Variants in ARHGAP24 observed in about 807,000 individuals in gnomAD.
ARHGAP24 encodes rho GTPase-activating protein 24.
ARHGAP24 carries 50 observed loss-of-function variants against 76.4 expected under a neutral mutation model. The observed-to-expected ratio is 0.65, with a 90% confidence interval of 0.52 to 0.83. The LOEUF (loss-of-function observed/expected upper bound fraction) is 0.83. ARHGAP24 is among the 40% of genes least tolerant of loss of function. The pLI is 0.00. For missense variants in ARHGAP24, 930 were observed against 914.2 expected (o/e 1.02, Z -0.22); for synonymous variants, 345 against 323.3 (o/e 1.07, Z -0.72).
At position 85,995,101 on chromosome 4, in the gene ARHGAP24, C is replaced by T. The variant is rs777874622; in HGVS notation, c.1447C>T (p.Arg483Cys). Residue 483 changes from arginine to cysteine, a missense_variant, in exon 9 of 10, where the codon CGC (arginine) becomes TGC (cysteine). By Grantham distance (180) the Arg-to-Cys change is radical (BLOSUM62 -3). Transcript: ENST00000395184. ...GTHSVQNGTVRMGILNSDTLG... is the reference protein window; with the variant it reads ...GTHSVQNGTVCMGILNSDTLG... ...GCACAGTGTACAGAATGGAACGGTGCGCATGGGCATTTTGAACAGCGACAC... is the reference window on the plus strand; with the variant it reads ...GCACAGTGTACAGAATGGAACGGTGTGCATGGGCATTTTGAACAGCGACAC... 6.1e-5 allele frequency: 99 copies of T among 1,613,900 alleles called. No individual in the cohort carries two copies. The highest frequency in any genetic ancestry group is 8.0e-5 in the African/African-American group (6 of 74,958).
At chr4:85,577,924 G>A (rs1727445420) in intron 2 of ARHGAP24, among the ~76,000 whole-genome samples, 1 of 152,144 alleles carries the variant, frequency 6.6e-6, no homozygotes, top group East Asian at 1.9e-4. Context: ...CTAAGAAAGA[G>A]GACAAGAAGA....
chr4:85,517,704 G>A (rs6843198), intron 1 of ARHGAP24, among the ~76,000 whole-genome samples: 6,951 of 151,868 alleles, frequency 0.046, 528 homozygotes, highest in African/African-American at 0.16. Context: ...ATGCTTACCC[G>A]GTTTAATAAA....
chr4:85,737,074 A>G (rs1725632999), intron 3 of ARHGAP24, among the ~76,000 whole-genome samples: 1 of 152,158 alleles, frequency 6.6e-6, no homozygotes, highest in African/African-American at 2.4e-5. Flanking sequence ...AAAGAATGAG[A>G]TGATCATTCT....
At chr4:85,740,403 G>C (rs1311646363) in intron 3 of ARHGAP24, among the ~76,000 whole-genome samples, 1 of 151,410 alleles carries the variant, frequency 6.6e-6, no homozygotes, top group Non-Finnish European at 1.5e-5. Flanking sequence ...TTGTATTTTT[G>C]GTAGGGACAG....
intron 1 of ARHGAP24, among the ~76,000 whole-genome samples, chr4:85,543,010 C>G (rs1037002617): frequency 6.6e-6 from 1 of 152,182 alleles, no homozygotes; most frequent in Admixed American, 6.5e-5. Context: ...GCTCTTGAAG[C>G]TGCTGCTAAC....
chr4:85,696,839 C>A (rs1440478939), intron 2 of ARHGAP24, among the ~76,000 whole-genome samples: 1 of 152,078 alleles, frequency 6.6e-6, no homozygotes, highest in Non-Finnish European at 1.5e-5. Context: ...GAAAGGACAC[C>A]ATGCAGAAAT....
chr4:85,969,812 AT>A (rs1175895862), intron 5 of ARHGAP24, among the ~76,000 whole-genome samples: 2 of 152,102 alleles, frequency 1.3e-5, no homozygotes, highest in African/African-American at 2.4e-5. Flanking sequence ...TTTTCAAACA[AT>A]TTTTTGGAAT....
intron 2 of ARHGAP24, among the ~76,000 whole-genome samples, chr4:85,612,905 T>G (rs1377234957): frequency 1.4e-5 from 2 of 146,332 alleles, no homozygotes; most frequent in East Asian, 4.6e-4. Flanking sequence ...CTCAAGCAAT[T>G]CACCCACCTC....
At chr4:85,679,145 C>T (rs1723107169) in intron 2 of ARHGAP24, among the ~76,000 whole-genome samples, 1 of 152,236 alleles carries the variant, frequency 6.6e-6, no homozygotes, top group Non-Finnish European at 1.5e-5. Context: ...GAGGAGAAAC[C>T]TGGCTAGCAA....
At chr4:85,984,395 T>C (rs1739861989) in intron 8 of ARHGAP24, among the ~76,000 whole-genome samples, 1 of 152,194 alleles carries the variant, frequency 6.6e-6, no homozygotes, top group South Asian at 2.1e-4. Flanking sequence ...ACCCATTTCC[T>C]GGTTCACATA....
intron 2 of ARHGAP24, among the ~76,000 whole-genome samples, chr4:85,578,578 A>G (rs988982967): frequency 1.3e-5 from 2 of 152,220 alleles, no homozygotes; most frequent in Admixed American, 1.3e-4. Context: ...ACTACCAGCT[A>G]TAGGGCTTGG....
At chr4:85,612,378 A>G (rs1720419857) in intron 2 of ARHGAP24, among the ~76,000 whole-genome samples, 1 of 151,392 alleles carries the variant, frequency 6.6e-6, no homozygotes, top group Non-Finnish European at 1.5e-5. Flanking sequence ...AGCCGAGTGC[A>G]CTCCACTCGG....
intron 3 of ARHGAP24, among the ~76,000 whole-genome samples, chr4:85,735,841 G>A (rs1378174424): frequency 6.6e-6 from 1 of 152,006 alleles, no homozygotes; most frequent in Non-Finnish European, 1.5e-5. Context: ...AAAGTACATA[G>A]AGCTCCCATA....
intron 3 of ARHGAP24, among the ~76,000 whole-genome samples, chr4:85,744,880 T>C (rs1038490499): frequency 1.3e-5 from 2 of 152,182 alleles, no homozygotes; most frequent in African/African-American, 4.8e-5. Flanking sequence ...TTCTTAAAGG[T>C]AGTCCAATCA....
chr4:85,610,914 T>C (rs1308327520), intron 2 of ARHGAP24, among the ~76,000 whole-genome samples: 1 of 152,070 alleles, frequency 6.6e-6, no homozygotes, highest in African/African-American at 2.4e-5. Flanking sequence ...TCTACAGATA[T>C]GAAAGAAATA....
intron 2 of ARHGAP24, among the ~76,000 whole-genome samples, chr4:85,640,784 G>A (rs1275165841): frequency 6.6e-6 from 1 of 151,984 alleles, no homozygotes; most frequent in East Asian, 1.9e-4. Flanking sequence ...TTATGGCTTT[G>A]CATTTGCATA....
intron 1 of ARHGAP24, among the ~76,000 whole-genome samples, chr4:85,548,855 T>C (rs962434353): frequency 1.3e-5 from 2 of 152,212 alleles, no homozygotes; most frequent in Non-Finnish European, 2.9e-5. Flanking sequence ...GCTAGTTTCC[T>C]GATTTCTATC....
chr4:85,528,045 C>T (rs971669734), intron 1 of ARHGAP24, among the ~76,000 whole-genome samples: 18 of 151,994 alleles, frequency 1.2e-4, no homozygotes, highest in African/African-American at 4.3e-4. Flanking sequence ...AGGGTGAGTG[C>T]TACAATAGCA....
intron 2 of ARHGAP24, among the ~76,000 whole-genome samples, chr4:85,573,077 G>A (rs1440564447): frequency 3.3e-5 from 5 of 151,684 alleles, no homozygotes; most frequent in African/African-American, 4.8e-5. Flanking sequence ...GGGTTTCACC[G>A]TGTTGGCCAT....
Sources: allele counts gnomAD v4.1 joint callset (sites outside exome capture counted in the v4.1 genomes callset), GRCh38; gene constraint gnomAD v4.1.1; transcripts MANE v1.5; gene names NCBI Gene and HGNC (gene_info 2026-07-23, HGNC 2026-07-21).